ZNF721: variants seen among roughly 807,000 people sequenced by gnomAD.
The protein encoded by ZNF721 is zinc finger protein 721.
ZNF721 carries 2 observed loss-of-function variants against 2.4 expected under a neutral mutation model. That is an observed-to-expected ratio of 0.82 (90% CI 0.34 to 2.58). The LOEUF is 2.58. Among genes scored for constraint, ZNF721 ranks in the 30% most tolerant of loss-of-function variants. The pLI, the probability that ZNF721 is intolerant of heterozygous loss-of-function variation, is 0.11. For synonymous variants in ZNF721, 398 were observed against 381.8 expected (o/e 1.04, Z -0.50); for missense variants, 1,187 against 1,085.5 (o/e 1.09, Z -1.31).
chr4:453,779 C>G (rs80326029), intron 2 of ZNF721: 1 of 152,190 alleles, frequency 6.6e-6, no homozygotes, highest in Non-Finnish European at 1.5e-5. Context: ...AATGGGGCCA[C>G]AACAACAACA....
intron 2 of ZNF721, among the ~76,000 whole-genome samples, chr4:454,899 T>C (rs1328382471): frequency 6.6e-6 from 1 of 152,188 alleles, no homozygotes; most frequent in Non-Finnish European, 1.5e-5. Flanking sequence ...TCTTTTTGTG[T>C]TCCTTGAGCT....
intron 2 of ZNF721, among the ~76,000 whole-genome samples, chr4:450,602 C>G (rs1714616014): frequency 6.6e-6 from 1 of 151,988 alleles, no homozygotes; most frequent in South Asian, 2.1e-4. Flanking sequence ...CAAAAATATT[C>G]AAGGCAGGGC....
At position 440,174 on chromosome 4, in the gene ZNF721, A is replaced by G. The variant is rs1714182891; in HGVS notation, c.*1521T>C. On this transcript the variant is annotated 3_prime_UTR_variant, in exon 3 of 3. Transcript: ENST00000511833. ...ATTACTCTGAACACCTACTTCAGGC[A>G]TCACTCAGTAAGTCAACCACTAAAA... The G allele has an allele frequency of 6.8e-6, 1 of 146,974 alleles. No individual in the cohort carries two copies. Among genetic ancestry groups the G allele is most frequent in the Non-Finnish European group, 1.6e-5 (1 of 64,404 alleles). The allele number at this position is 146,974 out of a possible 1,614,324, so 9.1% of individuals were successfully genotyped here.
intron 1 of ZNF721, among the ~76,000 whole-genome samples, chr4:479,202 GCA>G (rs1352461516): frequency 6.6e-6 from 1 of 152,138 alleles, no homozygotes; most frequent in African/African-American, 2.4e-5. Flanking sequence ...CATTTCTGTA[GCA>G]CACAGTCACG....
chr4:496,681 CA>C (rs1192620132), intron 1 of ZNF721, among the ~76,000 whole-genome samples: 1 of 145,058 alleles, frequency 6.9e-6, no homozygotes, highest in Non-Finnish European at 1.5e-5. Context: ...GCAAAACTAA[CA>C]ATGATCACAC....
chr4:453,304 T>C (rs1236260341), intron 2 of ZNF721, among the ~76,000 whole-genome samples: 1 of 152,224 alleles, frequency 6.6e-6, no homozygotes, highest in East Asian at 1.9e-4. Context: ...TCTTACTACC[T>C]GGTTGCCCCA....
rs1714200466 is a variant in ZNF721 at position 440,585 on chromosome 4, T to C, written c.*1110A>G. 6.6e-6 allele frequency: 1 copy of C among 152,230 alleles called. No individual in the cohort carries two copies. Among genetic ancestry groups the C allele is most frequent in the African/African-American group, 2.4e-5 (1 of 41,470 alleles). 9.4% of individuals were successfully genotyped at this position (152,230 alleles called of 1,614,324 possible). On this transcript the variant is annotated 3_prime_UTR_variant, in exon 3 of 3. Transcript: ENST00000511833. ...TGTAAATCCTCTGATGTTTACATAG[T>C]CTTAATTTTAGCCTAAATATTTCTT...
chr4:454,176 T>A (rs1171688205), intron 2 of ZNF721: 5 of 152,250 alleles, frequency 3.3e-5, no homozygotes, highest in South Asian at 2.1e-4. Context: ...TCTGGATATG[T>A]GGATACTACG....
intron 1 of ZNF721, among the ~76,000 whole-genome samples, chr4:496,285 G>A (rs17777599): frequency 0.18 from 27,413 of 152,092 alleles, 3,079 homozygotes; most frequent in Middle Eastern, 0.26. Context: ...TAGCTTTTCA[G>A]GGCTGTTACC....
rs1714182634 is a variant in ZNF721 at position 440,154 on chromosome 4, T to C, written c.*1541A>G. 6.6e-6 allele frequency: 1 copy of C among 151,916 alleles called. No individual in the cohort carries two copies. The highest frequency in any genetic ancestry group is 6.6e-5 in the Admixed American group (1 of 15,212). 9.4% of individuals were successfully genotyped at this position (151,916 alleles called of 1,614,324 possible). A position where few individuals can be genotyped will look rare whatever the true frequency, so the allele number is the denominator to read the frequency against. ...CTCTCAGTATAACGCAAAGTATTAC[T>C]CTGAACACCTACTTCAGGCATCACT... is the stretch of plus-strand genomic sequence containing the variant. On this transcript the variant is annotated 3_prime_UTR_variant, in exon 3 of 3. Transcript: ENST00000511833.
chr4:458,572 C>T (rs529793853), intron 2 of ZNF721, among the ~76,000 whole-genome samples: 15 of 152,258 alleles, frequency 9.9e-5, no homozygotes, highest in Admixed American at 2.6e-4. Context: ...CTAAGCCAGG[C>T]GTGGTAGCTC....
intron 1 of ZNF721, among the ~76,000 whole-genome samples, chr4:494,307 G>A (rs1042140066): frequency 6.6e-6 from 1 of 151,046 alleles, no homozygotes; most frequent in Non-Finnish European, 1.5e-5. Context: ...GCAACCTCCC[G>A]AGTAGCTGGG....
chr4:456,113 C>G (rs1714841379), intron 2 of ZNF721, among the ~76,000 whole-genome samples: 2 of 151,646 alleles, frequency 1.3e-5, no homozygotes, highest in East Asian at 3.9e-4. Context: ...CCCTGTCACC[C>G]AGGCTGGAGT....
chr4:466,644 T>C (rs573576149), intron 2 of ZNF721, among the ~76,000 whole-genome samples: 28 of 152,262 alleles, frequency 1.8e-4, no homozygotes, highest in Non-Finnish European at 4.0e-4. Context: ...CATTTGTAGA[T>C]TAAACTGCGA....
intron 2 of ZNF721, among the ~76,000 whole-genome samples, chr4:465,433 T>C (rs917591299): frequency 7.7e-6 from 1 of 129,864 alleles, no homozygotes; most frequent in African/African-American, 4.0e-5. Context: ...CTTTTGTTTT[T>C]TGTTTTTTTT....
chr4:457,179 T>C (rs1714873668), intron 2 of ZNF721, among the ~76,000 whole-genome samples: 1 of 152,196 alleles, frequency 6.6e-6, no homozygotes, highest in Non-Finnish European at 1.5e-5. Flanking sequence ...GAGCATTTTA[T>C]TTCAGAAATT....
intron 2 of ZNF721, among the ~76,000 whole-genome samples, chr4:465,674 G>A (rs769941345): frequency 2.0e-5 from 3 of 151,620 alleles, no homozygotes; most frequent in South Asian, 4.1e-4. Flanking sequence ...CCTCATGATC[G>A]GCCTCGTGAT....
chr4:442,480 G>C lies in ZNF721; in HGVS notation c.1987C>G (p.Leu663Val), dbSNP rs201670877. ...STDLNQHTKI[L>V]TGEQSYKCEE... The stretch of plus-strand genomic sequence containing the variant: ...CATTTGTAACTTTGCTCTCCAGTAA[G>C]AATTTTCGTGTGTTGATTCAGGTCT... Residue 663 changes from leucine to valine, a missense_variant, in exon 3 of 3, where the codon CTT becomes GTT. Transcript: ENST00000511833. 2.1e-4 allele frequency: 331 copies of C among 1,612,740 alleles called. No individual in the cohort carries two copies. The highest frequency in any genetic ancestry group is 2.7e-4 in the Non-Finnish European group (317 of 1,179,032).
At chr4:471,222 C>T (rs1553867633) in intron 2 of ZNF721, among the ~76,000 whole-genome samples, 1 of 152,020 alleles carries the variant, frequency 6.6e-6, no homozygotes, top group Non-Finnish European at 1.5e-5. Context: ...ATGGACATAT[C>T]ATATAATCCA....
Sources: allele counts gnomAD v4.1 joint callset (sites outside exome capture counted in the v4.1 genomes callset), GRCh38; gene constraint gnomAD v4.1.1; transcripts MANE v1.5; gene names NCBI Gene and HGNC (gene_info 2026-07-23, HGNC 2026-07-21).